Variants in POLB observed in about 807,000 individuals in gnomAD.
POLB encodes DNA polymerase beta.
A neutral mutation model predicts 52.7 loss-of-function variants in POLB; 37 were observed. The ratio of observed to expected loss-of-function variants is 0.70; its 90% CI spans 0.54 to 0.92. POLB has a LOEUF of 0.92. Ranked by LOEUF, POLB falls within the 40% of genes least tolerant of loss-of-function variation. POLB has a pLI of 0.00. For missense variants in POLB, 313 were observed against 400.8 expected, an observed-to-expected ratio of 0.78 and a Z score of 1.87; for synonymous variants, 138 against 131.3, an observed-to-expected ratio of 1.05 and a Z score of -0.35.
At chr8:42,358,038 A>G (rs971930181) in intron 9 of POLB, 3 of 152,044 alleles carry the variant, frequency 2.0e-5, no homozygotes, top group African/African-American at 4.8e-5. Flanking sequence ...CAAGTTTTCT[A>G]TAAGAGAGCT....
rs892295475 is a variant in POLB at position 42,338,500 on chromosome 8, C to G, written c.-125C>G. On this transcript the variant is annotated 5_prime_UTR_variant, in exon 1 of 14. Coordinates refer to ENST00000265421, the MANE Select transcript of POLB (RefSeq NM_002690.3). ...CCCCCCATCGGGGGCAACCATTGTT[C>G]CGCCGGTCGCGCCGGAGCTGGGTTG... 1.0e-5 allele frequency: 8 copies of G among 797,728 alleles called. No individual in the cohort carries two copies. The highest frequency in any genetic ancestry group is 1.7e-5 in the Non-Finnish European group (8 of 466,282). The allele number at this position is 797,728 out of a possible 1,614,324, so 49.4% of individuals were successfully genotyped here. A position where few individuals can be genotyped will look rare whatever the true frequency, so the allele number is the denominator to read the frequency against.
intron 11 of POLB, among the ~76,000 whole-genome samples, chr8:42,368,502 T>C (rs906985646): frequency 6.6e-6 from 1 of 152,244 alleles, no homozygotes; most frequent in Non-Finnish European, 1.5e-5. Flanking sequence ...CATTTGATAC[T>C]TTTAATTGGA....
At chr8:42,344,035 G>A (rs1333225686) in intron 2 of POLB, among the ~76,000 whole-genome samples, 1 of 150,576 alleles carries the variant, frequency 6.6e-6, no homozygotes, top group African/African-American at 2.4e-5. Flanking sequence ...GGAGGCTGAG[G>A]TAGGAGGATT....
At chr8:42,364,289 T>G (rs1049897462) in intron 11 of POLB, among the ~76,000 whole-genome samples, 2 of 151,976 alleles carry the variant, frequency 1.3e-5, no homozygotes, top group African/African-American at 2.4e-5. Flanking sequence ...ACCCAGGCTG[T>G]AGTGCAGTGG....
chr8:42,342,426 C>T (rs1822261952), intron 2 of POLB: 1 of 1,415,900 alleles, frequency 7.1e-7, no homozygotes, highest in Admixed American at 1.7e-5. Context: ...TCATATCCCC[C>T]TCTATACGGG....
intron 2 of POLB, chr8:42,341,898 C>T (rs190408657): frequency 1.6e-6 from 1 of 629,596 alleles, no homozygotes; most frequent in Non-Finnish European, 2.9e-6. Flanking sequence ...AGCTTCTTTT[C>T]ATAGACTGGA....
At chr8:42,354,158 C>T (rs1341357620) in intron 6 of POLB, among the ~76,000 whole-genome samples, 2 of 152,194 alleles carry the variant, frequency 1.3e-5, no homozygotes, top group African/African-American at 4.8e-5. Flanking sequence ...ACAATTCACA[C>T]ATAAGGAATA....
intron 6 of POLB, chr8:42,354,493 T>G: frequency 7.9e-7 from 1 of 1,268,868 alleles, no homozygotes; most frequent in Middle Eastern, 2.2e-4. Context: ...TATGGGATGT[T>G]ATGACAATTC....
At chr8:42,358,909 C>T (rs965479328) in intron 9 of POLB, among the ~76,000 whole-genome samples, 4 of 152,188 alleles carry the variant, frequency 2.6e-5, no homozygotes, top group African/African-American at 9.7e-5. Context: ...TTGTACCCTT[C>T]TGCAAATAAG....
At chr8:42,367,359 A>C (rs2130856433) in intron 11 of POLB, among the ~76,000 whole-genome samples, 1 of 152,260 alleles carries the variant, frequency 6.6e-6, no homozygotes, top group Middle Eastern at 3.4e-3. Flanking sequence ...GTGTGGTTGG[A>C]GGCAGCCTCA....
intron 13 of POLB, chr8:42,370,267 T>TTG (rs1451623842): frequency 1.8e-4 from 81 of 460,184 alleles, no homozygotes; most frequent in African/African-American, 9.0e-4. Flanking sequence ...GGGTTTTTTT[T>TTG]TTTTTTTTTT....
At chr8:42,346,498 C>T (rs1169251598) in intron 3 of POLB, among the ~76,000 whole-genome samples, 2 of 151,790 alleles carry the variant, frequency 1.3e-5, no homozygotes, top group African/African-American at 4.8e-5. Context: ...AATCCTCCCA[C>T]CTCAGCCTCC....
intron 2 of POLB, chr8:42,342,552 A>T: frequency 3.9e-6 from 3 of 762,332 alleles, no homozygotes; most frequent in Non-Finnish European, 6.9e-6. Flanking sequence ...CATAGTAATC[A>T]GTTTTACCAT....
At chr8:42,362,895 C>A (rs3136779) in intron 11 of POLB, among the ~76,000 whole-genome samples, 197 bp downstream of exon 11, 1 of 151,772 alleles carries the variant, frequency 6.6e-6, no homozygotes, top group Non-Finnish European at 1.5e-5. Flanking sequence ...GAGGCCGAGG[C>A]GGGTGGATCG....
Position 42,343,369 on chromosome 8 carries a change from T to TATATATATATATATACAC in POLB, c.120-1583_120-1582insTATATATATATATACACA, listed in dbSNP as rs761101423. ...AAATATATATATATATATATATATA[T>TATATATATATATATACAC]ACACAAAATTAGCCAGGTGTGGTAG... On this transcript the variant is annotated intron_variant, in intron 2 of 13. Transcript: ENST00000265421. Among the ~76,000 whole-genome samples, 170 of 36,238 alleles carry TATATATATATATATACAC rather than the reference T, an allele frequency of 4.7e-3. 3 individuals carry two copies. Among genetic ancestry groups the TATATATATATATATACAC allele is most frequent in the Non-Finnish European group, 9.4e-3 (126 of 13,454 alleles). The allele number at this position is 36,238 out of a possible 152,430, so 23.8% of individuals were successfully genotyped here. A position where few individuals can be genotyped will look rare whatever the true frequency, so the allele number is the denominator to read the frequency against.
intron 11 of POLB, among the ~76,000 whole-genome samples, chr8:42,365,889 C>T (rs1310530827): frequency 6.6e-6 from 1 of 152,018 alleles, no homozygotes; most frequent in African/African-American, 2.4e-5. Context: ...CACCTGAGGT[C>T]AGGAGTTCAA....
chr8:42,343,361 T>TAG (rs1822365641), intron 2 of POLB, among the ~76,000 whole-genome samples: 1 of 46,244 alleles, frequency 2.2e-5, no homozygotes, highest in South Asian at 7.4e-4. Flanking sequence ...TATATATATA[T>TAG]ATATATATAC....
intron 11 of POLB, among the ~76,000 whole-genome samples, chr8:42,366,056 T>G (rs1824016877): frequency 6.6e-6 from 1 of 150,602 alleles, no homozygotes; most frequent in Admixed American, 6.7e-5. Flanking sequence ...GCTGAGATTG[T>G]GCCAGTGCAT....
At position 42,371,559 on chromosome 8, in the gene POLB, G is replaced by A. The variant is rs200018166; in HGVS notation, c.914-4G>A. On this transcript the variant is annotated splice_polypyrimidine_tract_variant and splice_region_variant and intron_variant, in intron 13 of 13. Transcript: ENST00000265421. Reference sequence around the variant, plus strand: ...ACAATAAGTTTTTCTCTCTGTACTTGCAGGAGTTGCAGGAGAACCCCTGCC... The same window carrying A: ...ACAATAAGTTTTTCTCTCTGTACTTACAGGAGTTGCAGGAGAACCCCTGCC... The A allele has an allele frequency of 1.8e-4, 277 of 1,573,628 alleles. 2 individuals carry two copies. The Admixed American group carries it at 4.6e-3, about 26-fold the overall frequency.
Sources: allele counts gnomAD v4.1 joint callset (sites outside exome capture counted in the v4.1 genomes callset), GRCh38; gene constraint gnomAD v4.1.1; transcripts MANE v1.5; gene names NCBI Gene and HGNC (gene_info 2026-07-23, HGNC 2026-07-21).